SKA2: variants seen among roughly 807,000 people sequenced by gnomAD.
SKA2 encodes spindle and kinetochore-associated protein 2.
A neutral mutation model predicts 16.9 loss-of-function variants in SKA2; 13 were observed. That is an observed-to-expected ratio of 0.77 (90% CI 0.50 to 1.22). The LOEUF (loss-of-function observed/expected upper bound fraction) is 1.22, where lower values mean the gene tolerates loss of function less well. Ranked by LOEUF, SKA2 falls within the 50% of genes most tolerant of loss-of-function variation. The pLI, the probability that SKA2 is intolerant of heterozygous loss-of-function variation, is 0.00. For synonymous variants in SKA2, 47 were observed against 48.5 expected (o/e 0.97, Z 0.13); for missense variants, 107 against 139.7 (o/e 0.77, Z 1.18).
chr17:59,142,508 T>C (rs1368116700), intron 1 of SKA2, among the ~76,000 whole-genome samples: 1 of 151,956 alleles, frequency 6.6e-6, no homozygotes, highest in Non-Finnish European at 1.5e-5. Context: ...CAGGCTGCTC[T>C]CGAACTCTCG....
At chr17:59,144,048 C>T (rs1224836628) in intron 1 of SKA2, among the ~76,000 whole-genome samples, 2 of 151,914 alleles carry the variant, frequency 1.3e-5, no homozygotes, top group Admixed American at 1.3e-4. Context: ...CCCAGCTACT[C>T]GGGAGGCTGA....
intron 1 of SKA2, among the ~76,000 whole-genome samples, chr17:59,139,552 G>A (rs933842266): frequency 1.1e-4 from 16 of 151,464 alleles, no homozygotes; most frequent in African/African-American, 2.4e-5. Context: ...TGCTCACTAT[G>A]TTGCCCAGGC....
At chr17:59,113,927 A>T (rs961414998) in intron 3 of SKA2, among the ~76,000 whole-genome samples, 1 of 152,182 alleles carries the variant, frequency 6.6e-6, no homozygotes, top group African/African-American at 2.4e-5. Flanking sequence ...TGAACAATGT[A>T]AGGACTCCAT....
intron 1 of SKA2, among the ~76,000 whole-genome samples, chr17:59,145,929 G>A (rs2046528833): frequency 6.6e-6 from 1 of 151,688 alleles, no homozygotes; most frequent in African/African-American, 2.4e-5. Context: ...GGTCAAGGTT[G>A]CAGTAAGCTG....
chr17:59,154,850 G>T (rs1425925985), intron 1 of SKA2: 6 of 1,247,268 alleles, frequency 4.8e-6, no homozygotes, highest in Non-Finnish European at 6.8e-6. Context: ...GCGCAGTTTC[G>T]TAAGGGGTGT....
intron 1 of SKA2, among the ~76,000 whole-genome samples, chr17:59,141,221 A>C (rs540139500): frequency 3.3e-5 from 5 of 151,886 alleles, no homozygotes; most frequent in African/African-American, 1.2e-4. Context: ...ACATGGTGAA[A>C]CCTTGTTTCT....
At chr17:59,144,687 T>G (rs2046518466) in intron 1 of SKA2, among the ~76,000 whole-genome samples, 1 of 152,158 alleles carries the variant, frequency 6.6e-6, no homozygotes, top group South Asian at 2.1e-4. Flanking sequence ...AAATACTGTA[T>G]GATTTCATTT....
chr17:59,125,257 C>A (rs917208062), intron 2 of SKA2, among the ~76,000 whole-genome samples: 1 of 148,122 alleles, frequency 6.8e-6, no homozygotes, highest in African/African-American at 2.5e-5. Flanking sequence ...TCCCAAAGTG[C>A]TGGGATTACA....
chr17:59,147,375 A>AAGAC (rs2046541350), intron 1 of SKA2, among the ~76,000 whole-genome samples: 4 of 82,046 alleles, frequency 4.9e-5, no homozygotes, highest in Admixed American at 4.0e-4. Context: ...TTTTATATAT[A>AAGAC]AGACACACAC....
intron 1 of SKA2, among the ~76,000 whole-genome samples, chr17:59,136,694 G>A (rs1186650813): frequency 6.6e-6 from 1 of 151,780 alleles, no homozygotes; most frequent in East Asian, 1.9e-4. Flanking sequence ...GACTATAGGC[G>A]TGCACCACCA....
intron 2 of SKA2, among the ~76,000 whole-genome samples, chr17:59,121,473 A>C (rs1181221659): frequency 2.3e-5 from 3 of 130,810 alleles, no homozygotes; most frequent in African/African-American, 8.7e-5. Flanking sequence ...TGGCCAACAT[A>C]GCGAAACCCC....
At chr17:59,148,774 A>ACT (rs2046553538) in intron 1 of SKA2, among the ~76,000 whole-genome samples, 2 of 143,624 alleles carry the variant, frequency 1.4e-5, no homozygotes, top group Non-Finnish European at 3.0e-5. Context: ...CCGCCACTGT[A>ACT]CTGCAACCTG....
At chr17:59,147,019 G>A (rs535215191) in intron 1 of SKA2, among the ~76,000 whole-genome samples, 9 of 151,716 alleles carry the variant, frequency 5.9e-5, no homozygotes, top group South Asian at 2.1e-4. Flanking sequence ...GGGGACGGGC[G>A]TGGTGGCACA....
At chr17:59,128,492 G>A (rs989341093) in intron 2 of SKA2, among the ~76,000 whole-genome samples, 1 of 151,962 alleles carries the variant, frequency 6.6e-6, no homozygotes, top group Admixed American at 6.6e-5. Context: ...CAGATGTGGT[G>A]GCACACACCA....
intron 2 of SKA2, among the ~76,000 whole-genome samples, chr17:59,121,576 C>CTGGGA (rs1326188031): frequency 6.6e-6 from 1 of 150,764 alleles, no homozygotes; most frequent in East Asian, 2.0e-4. Flanking sequence ...TCACTTGAGC[C>CTGGGA]TGGGAGGCAG....
intron 1 of SKA2, among the ~76,000 whole-genome samples, chr17:59,154,037 C>T (rs1432964866): frequency 4.6e-5 from 7 of 151,576 alleles, no homozygotes; most frequent in Non-Finnish European, 8.8e-5. Context: ...CCCAAAGTGC[C>T]GGGATTACAG....
intron 1 of SKA2, among the ~76,000 whole-genome samples, chr17:59,143,205 A>T (rs1447808287): frequency 1.3e-5 from 2 of 151,178 alleles, no homozygotes; most frequent in Admixed American, 6.6e-5. Context: ...TTTATCCAAA[A>T]CTTTTTTCTT....
At chr17:59,113,806 A>G (rs2046279165) in intron 3 of SKA2, among the ~76,000 whole-genome samples, 1 of 151,960 alleles carries the variant, frequency 6.6e-6, no homozygotes, top group African/African-American at 2.4e-5. Flanking sequence ...AGCCTGGGCG[A>G]CAAGAGTGAA....
chr17:59,146,986 TTTTTC>T (rs1160548087), intron 1 of SKA2, among the ~76,000 whole-genome samples: 1 of 152,106 alleles, frequency 6.6e-6, no homozygotes, highest in African/African-American at 2.4e-5. Context: ...GGATGGTCTT[TTTTTC>T]TTTTCTTTTT....
Sources: allele counts gnomAD v4.1 joint callset (sites outside exome capture counted in the v4.1 genomes callset), GRCh38; gene constraint gnomAD v4.1.1; transcripts MANE v1.5; gene names NCBI Gene and HGNC (gene_info 2026-07-23, HGNC 2026-07-21).